Variants in TSPAN4 observed in about 807,000 individuals in gnomAD.
TSPAN4 encodes the protein tetraspanin 4, also known as tetraspanin-4.
TSPAN4 carries 38 observed loss-of-function variants against 31.5 expected under a neutral mutation model. That is an observed-to-expected ratio of 1.21 (90% CI 0.93 to 1.58). The LOEUF is 1.58. TSPAN4 is among the 40% of genes most tolerant of loss of function. The pLI is 0.00. For missense variants in TSPAN4, 330 were observed against 317.3 expected (o/e 1.04, Z -0.30); for synonymous variants, 186 against 144.6 (o/e 1.29, Z -2.06).
In TSPAN4 at chr11:865,500, C is replaced by A. The variant is rs756602641; in HGVS notation, c.331-13C>A. On this transcript the variant is annotated splice_polypyrimidine_tract_variant and intron_variant, in intron 5 of 8. Transcript: ENST00000397397. ...AGTGGGAGGGGCCCTGCTGACCCCC[C>A]CCGCACCCCCAGATTGACAGGTATG... is the stretch of plus-strand genomic sequence containing the variant. 9.3e-5 allele frequency: 149 copies of A among 1,607,226 alleles called. No individual in the cohort carries two copies. In the Middle Eastern group the frequency reaches 1.5e-3, roughly 16 times the overall value.
chr11:856,079 A>G (rs1246558622), intron 3 of TSPAN4, among the ~76,000 whole-genome samples: 1 of 152,154 alleles, frequency 6.6e-6, no homozygotes, highest in African/African-American at 2.4e-5. Context: ...CACCTGCCCA[A>G]GAGGCTCAGG....
chr11:860,754 G>A (rs1173848366), intron 3 of TSPAN4, among the ~76,000 whole-genome samples: 5 of 152,202 alleles, frequency 3.3e-5, no homozygotes, highest in Non-Finnish European at 7.4e-5. Flanking sequence ...CCTGGGGTCT[G>A]AGCCTGTCCT....
Position 848,992 on chromosome 11 carries a change from G to T in TSPAN4, c.-17-1296G>T. On this transcript the variant is annotated intron_variant, in intron 2 of 8. Transcript: ENST00000397397. This position sits in a 1 kb window ranked among gnomAD's most constrained non-coding sequence, Gnocchi z 5.7. The stretch of plus-strand genomic sequence containing the variant: ...TCTTTTACAGGCTGACTTCCAGCCT[G>T]GGCTGGAGCAAAATGAAATTCTGGG... The T allele has an allele frequency of 1.6e-6, 1 of 623,020 alleles. No homozygotes were observed. The allele number at this position is 623,020 out of a possible 1,614,324, so 38.6% of individuals were successfully genotyped here.
chr11:862,831 C>T, intron 4 of TSPAN4, 90 bp downstream of exon 4: 1 of 1,359,722 alleles, frequency 7.4e-7, no homozygotes, highest in Non-Finnish European at 9.8e-7. Flanking sequence ...GCAGTGACCC[C>T]CCAGACGTGG....
At chr11:860,992 G>A (rs997216813) in intron 3 of TSPAN4, among the ~76,000 whole-genome samples, 2 of 152,162 alleles carry the variant, frequency 1.3e-5, no homozygotes, top group African/African-American at 4.8e-5. Context: ...GGGACTGCTT[G>A]TCCCGTGCCC....
intron 3 of TSPAN4, among the ~76,000 whole-genome samples, chr11:855,464 A>G (rs1308807387): frequency 1.3e-5 from 2 of 151,978 alleles, no homozygotes; most frequent in Non-Finnish European, 2.9e-5. Context: ...GCAAACTCCT[A>G]CCCACCCTGC....
rs751605587 is a variant in TSPAN4, at chr11:862,572, G to T, written c.86G>T (p.Gly29Val). Residue 29 changes from glycine to valine, a missense_variant, in exon 4 of 9, where the codon GGT (glycine) becomes GTT (valine). By Grantham distance (109) the Gly-to-Val change is moderately radical. Coordinates refer to ENST00000397397, the MANE Select transcript of TSPAN4 (RefSeq NM_003271.5). The stretch of plus-strand genomic sequence containing the variant: ...CAGCTGGGAGGCTGTGGCGTGCTGG[G>T]TGTCGGCATCTGGCTGGCCGCCACA... Reference protein sequence around the residue: ...LFWLGGCGVLGVGIWLAATQG... With the variant: ...LFWLGGCGVLVVGIWLAATQG... 6.2e-7 allele frequency: 1 copy of T among 1,610,340 alleles called. No homozygotes were observed. The highest frequency in any genetic ancestry group is 2.2e-5 in the East Asian group (1 of 44,788).
chr11:855,037 G>C (rs971418181), intron 3 of TSPAN4, among the ~76,000 whole-genome samples: 2 of 152,196 alleles, frequency 1.3e-5, no homozygotes, highest in African/African-American at 4.8e-5. Flanking sequence ...AGCAGCGGTC[G>C]GTCGGGGGAC....
At chr11:850,174 T>A in intron 2 of TSPAN4, 114 bp from the exon 3 acceptor site, 1 of 859,244 alleles carries the variant, frequency 1.2e-6, no homozygotes. Flanking sequence ...GGGGGCTCCT[T>A]CTTCGGCCTG....
chr11:864,751 C>T, intron 5 of TSPAN4: 1 of 586,544 alleles, frequency 1.7e-6, no homozygotes. Flanking sequence ...GAGGGTGCGC[C>T]CCAGGTTGTC....
rs912725454 is a variant in TSPAN4 at position 851,007 on chromosome 11, G to T, written c.63+640G>T. On this transcript the variant is annotated intron_variant, in intron 3 of 8. Coordinates refer to ENST00000397397, the MANE Select transcript of TSPAN4 (RefSeq NM_003271.5). The stretch of plus-strand genomic sequence containing the variant: ...GGCAGCAGAGGCTTCCCTAACTTTT[G>T]CGGAGGTGGGGTCAGGTGTGCTCAG... 3.3e-5 allele frequency among the ~76,000 whole-genome samples: 5 copies of T among 152,384 alleles called. No individual in the cohort carries two copies. In the East Asian group the frequency reaches 7.7e-4, roughly 24 times the overall value.
At chr11:862,104 G>A (rs951518063) in intron 3 of TSPAN4, among the ~76,000 whole-genome samples, 2 of 152,236 alleles carry the variant, frequency 1.3e-5, no homozygotes, top group South Asian at 4.1e-4. Flanking sequence ...GCAGGGCTGG[G>A]TCTCCCTGAC....
chr11:866,708 CA>C lies in TSPAN4; in HGVS notation c.*79del, dbSNP rs763935357. 9.6e-5 allele frequency: 132 copies of C among 1,380,386 alleles called. No individual in the cohort carries two copies. Among genetic ancestry groups the C allele is most frequent in the Middle Eastern group, 1.8e-4 (1 of 5,500 alleles). The allele number at this position is 1,380,386 out of a possible 1,614,324, so 85.5% of individuals were successfully genotyped here. ...CACCCACAGCTGCCTTTCCCACCACCAGCCTCGGTGCTCTGCCCCATGCTGG... is the reference window on the plus strand; with the variant it reads ...CACCCACAGCTGCCTTTCCCACCACCGCCTCGGTGCTCTGCCCCATGCTGG... On this transcript the variant is annotated 3_prime_UTR_variant, in exon 9 of 9. Coordinates refer to ENST00000397397, the MANE Select transcript of TSPAN4 (RefSeq NM_003271.5).
chr11:866,183 T>C (rs28439203), intron 8 of TSPAN4, among the ~76,000 whole-genome samples, 182 bp downstream of exon 8: 150,998 of 152,276 alleles, frequency 0.99, 74,882 homozygotes, highest in Middle Eastern at 1. Context: ...GGGCTCCCTC[T>C]TAGTGGACAG....
intron 1 of TSPAN4, among the ~76,000 whole-genome samples, chr11:845,365 C>CGGTGGGGCCTGT (rs1847255910): frequency 6.6e-6 from 1 of 151,832 alleles, no homozygotes; most frequent in Non-Finnish European, 1.5e-5. Flanking sequence ...GCGTTGTGAG[C>CGGTGGGGCCTGT]AGTGGGGCCT....
At chr11:855,344 C>T (rs544824687) in intron 3 of TSPAN4, among the ~76,000 whole-genome samples, 7 of 152,334 alleles carry the variant, frequency 4.6e-5, no homozygotes, top group Admixed American at 1.3e-4. Flanking sequence ...CGATGTGAGC[C>T]GTGGTCCTGG....
Position 848,889 on chromosome 11 carries a change from G to C in TSPAN4, c.-17-1399G>C. The C allele has an allele frequency of 1.4e-6, 1 of 712,822 alleles. No individual in the cohort carries two copies. Among genetic ancestry groups the C allele is most frequent in the Non-Finnish European group, 2.6e-6 (1 of 382,716 alleles). The allele number at this position is 712,822 out of a possible 1,614,324, so 44.2% of individuals were successfully genotyped here. A position where few individuals can be genotyped will look rare whatever the true frequency, so the allele number is the denominator to read the frequency against. On this transcript the variant is annotated intron_variant, in intron 2 of 8. Transcript: ENST00000397397. The surrounding 1 kb of genome is among the most constrained non-coding windows in gnomAD (Gnocchi z 5.7). Reference sequence around the variant, plus strand: ...GCTGTGGGAGGTGTGTGCGCATCCGGCGTGATGACACCCAGGAGTGCAGGC... The same window carrying C: ...GCTGTGGGAGGTGTGTGCGCATCCGCCGTGATGACACCCAGGAGTGCAGGC...
At chr11:861,413 G>A (rs1262074165) in intron 3 of TSPAN4, among the ~76,000 whole-genome samples, 1 of 152,072 alleles carries the variant, frequency 6.6e-6, no homozygotes, top group Non-Finnish European at 1.5e-5. Flanking sequence ...AGGAGATTGA[G>A]ATCAAGACCA....
At chr11:849,822 CG>C (rs1193993993) in intron 2 of TSPAN4, 5 of 127,014 alleles carry the variant, frequency 3.9e-5, no homozygotes, top group African/African-American at 1.4e-4. Context: ...CGCGCGGGGT[CG>C]GGGGCGCGGG....
Sources: gnomAD v4.1 joint callset for allele counts (sites outside exome capture counted in the v4.1 genomes callset) on GRCh38, gnomAD v4.1.1 for gene constraint, Gnocchi (gnomAD v3.1) non-coding constraint, MANE v1.5 for transcripts, NCBI Gene and HGNC (gene_info 2026-07-23, HGNC 2026-07-21) for gene names.